PTK2: variants seen among roughly 807,000 people sequenced by gnomAD.
PTK2 encodes the protein protein tyrosine kinase 2.
Under a neutral mutation model 150.1 loss-of-function variants are expected in PTK2, and 45 were observed. That is an observed-to-expected ratio of 0.30 (90% confidence interval 0.24 to 0.38). PTK2 has a LOEUF of 0.38. Among genes scored for constraint, PTK2 ranks in the 10% least tolerant of loss-of-function variants. The probability of loss-of-function intolerance (pLI) is 1.00; values close to 1 mark genes in which losing one functional copy is unlikely to be tolerated. For missense variants in PTK2, 919 were observed against 1,307.3 expected (o/e 0.70, Z 4.58); for synonymous variants, 432 against 449.2 (o/e 0.96, Z 0.48).
At chr8:140,989,379 G>A (rs968858182) in intron 1 of PTK2, among the ~76,000 whole-genome samples, 32 of 151,718 alleles carry the variant, frequency 2.1e-4, no homozygotes, top group African/African-American at 7.5e-4. Context: ...GGGAAACAAA[G>A]CAAGACCCTA....
At chr8:140,679,021 T>TG (rs1564186387) in intron 27 of PTK2, among the ~76,000 whole-genome samples, 3 of 107,604 alleles carry the variant, frequency 2.8e-5, no homozygotes, top group African/African-American at 1.5e-4. Flanking sequence ...TTTTTTTTTT[T>TG]TTTTTTTTTT....
intron 5 of PTK2, among the ~76,000 whole-genome samples, chr8:140,863,637 C>A (rs2100137551): frequency 6.6e-6 from 1 of 152,164 alleles, no homozygotes; most frequent in Non-Finnish European, 1.5e-5. Flanking sequence ...AATACCAAAT[C>A]TATACTGGGT....
intron 2 of PTK2, among the ~76,000 whole-genome samples, chr8:140,900,123 A>T (rs2100157844): frequency 6.6e-6 from 1 of 152,204 alleles, no homozygotes; most frequent in South Asian, 2.1e-4. Flanking sequence ...CAAGAGAAAT[A>T]AAAGGCACCC....
intron 3 of PTK2, among the ~76,000 whole-genome samples, chr8:140,881,249 G>A (rs2100148888): frequency 6.6e-6 from 1 of 152,176 alleles, no homozygotes; most frequent in Non-Finnish European, 1.5e-5. Context: ...GGTGAAAAGA[G>A]TCCACGTTCT....
At chr8:140,781,130 G>A (rs1411750584) in intron 14 of PTK2, among the ~76,000 whole-genome samples, 1 of 152,048 alleles carries the variant, frequency 6.6e-6, no homozygotes, top group Non-Finnish European at 1.5e-5. Context: ...ACGGGGTGGG[G>A]GAAGACTTGA....
At chr8:140,875,090 T>C (rs1279748097) in intron 4 of PTK2, among the ~76,000 whole-genome samples, 1 of 152,134 alleles carries the variant, frequency 6.6e-6, no homozygotes, top group East Asian at 1.9e-4. Flanking sequence ...GGCAGTGGGC[T>C]CTTTAGGTAG....
At chr8:140,926,352 T>C (rs770104957) in intron 1 of PTK2, among the ~76,000 whole-genome samples, 30 of 152,168 alleles carry the variant, frequency 2.0e-4, no homozygotes, top group Admixed American at 1.1e-3. Flanking sequence ...ACCAGCCAGA[T>C]GACACAGTTA....
chr8:140,776,122 G>A (rs1425083513), intron 14 of PTK2, among the ~76,000 whole-genome samples: 2 of 152,180 alleles, frequency 1.3e-5, no homozygotes, highest in Non-Finnish European at 2.9e-5. Flanking sequence ...TCGTGCCTAA[G>A]CCTCCCCAGT....
intron 4 of PTK2, among the ~76,000 whole-genome samples, chr8:140,878,844 TA>T (rs34124997): frequency 0.2 from 26,038 of 128,496 alleles, 2,588 homozygotes; most frequent in East Asian, 0.48. Flanking sequence ...TGCTTAGTAG[TA>T]AAAAAAAAAA....
At chr8:140,887,867 G>A (rs547352282) in intron 3 of PTK2, among the ~76,000 whole-genome samples, 1 of 152,000 alleles carries the variant, frequency 6.6e-6, no homozygotes, top group African/African-American at 2.4e-5. Flanking sequence ...TATAGCACAT[G>A]TCAATTCAGA....
intron 10 of PTK2, among the ~76,000 whole-genome samples, chr8:140,809,102 A>G (rs2100099907): frequency 6.6e-6 from 1 of 152,232 alleles, no homozygotes; most frequent in African/African-American, 2.4e-5. Context: ...TAGAAAGGTA[A>G]GACATATTAA....
chr8:140,673,393 C>A (rs1410915486), intron 29 of PTK2, among the ~76,000 whole-genome samples: 7 of 152,054 alleles, frequency 4.6e-5, no homozygotes. Context: ...CAGGCATGAG[C>A]CACCACACCT....
In PTK2 at chr8:140,762,362, T is replaced by C; in HGVS notation, c.1235-1100A>G. On this transcript the variant is annotated intron_variant, in intron 15 of 31. Coordinates refer to ENST00000522684, the Ensembl canonical transcript of PTK2. Reference sequence around the variant, plus strand: ...AAATGCAGTTAATTTAAAGGAATCCTGTTACCTTCATCTATTCCATAGCTT... The same window carrying C: ...AAATGCAGTTAATTTAAAGGAATCCCGTTACCTTCATCTATTCCATAGCTT... 1 of 1,180,232 alleles carries C rather than the reference T, an allele frequency of 8.5e-7. No homozygotes were observed. Among genetic ancestry groups the C allele is most frequent in the Non-Finnish European group, 1.1e-6 (1 of 939,102 alleles). The allele number at this position is 1,180,232 out of a possible 1,614,324, so 73.1% of individuals were successfully genotyped here. A position where few individuals can be genotyped will look rare whatever the true frequency, so the allele number is the denominator to read the frequency against.
chr8:140,719,485 G>A (rs146854115), intron 22 of PTK2, among the ~76,000 whole-genome samples: 2 of 152,084 alleles, frequency 1.3e-5, no homozygotes, highest in African/African-American at 4.8e-5. Context: ...GTCCTGAGAG[G>A]GCCACTCTCT....
intron 2 of PTK2, among the ~76,000 whole-genome samples, chr8:140,893,654 AATAG>A (rs1177854026): frequency 1.3e-5 from 2 of 152,208 alleles, no homozygotes; most frequent in African/African-American, 4.8e-5. Context: ...AAGGACTGCT[AATAG>A]ATAAGGAGTT....
At chr8:140,847,063 G>A (rs973377700) in intron 5 of PTK2, among the ~76,000 whole-genome samples, 1 of 152,114 alleles carries the variant, frequency 6.6e-6, no homozygotes, top group Non-Finnish European at 1.5e-5. Flanking sequence ...AACGAATAGG[G>A]TCTGAATCAT....
intron 30 of PTK2, among the ~76,000 whole-genome samples, chr8:140,667,466 C>CTT (rs869029677): frequency 1.1e-4 from 6 of 54,186 alleles, no homozygotes; most frequent in East Asian, 5.6e-4. Flanking sequence ...CTCTCTCTCT[C>CTT]TTTTTTTTTT....
At chr8:140,960,696 T>C (rs760069796) in intron 1 of PTK2, among the ~76,000 whole-genome samples, 1 of 152,124 alleles carries the variant, frequency 6.6e-6, no homozygotes. Context: ...TAACGTATCA[T>C]ATAGGCTGGG....
At chr8:140,844,085 G>T (rs2100123892) in intron 7 of PTK2, among the ~76,000 whole-genome samples, 1 of 152,132 alleles carries the variant, frequency 6.6e-6, no homozygotes, top group Non-Finnish European at 1.5e-5. Context: ...GGATTTGTTT[G>T]ATGTTTTTTC....
Sources: allele counts gnomAD v4.1 joint callset (sites outside exome capture counted in the v4.1 genomes callset), GRCh38; gene constraint gnomAD v4.1.1; transcripts MANE v1.5; gene names NCBI Gene and HGNC (gene_info 2026-07-23, HGNC 2026-07-21).